The following ZNF462 variants were observed in gnomAD, a reference collection of about 807,000 sequenced individuals.
ZNF462 encodes the protein zinc finger protein 462.
ZNF462 carries 10 observed loss-of-function variants against 201.9 expected under a neutral mutation model. The ratio of observed to expected loss-of-function variants is 0.05; its 90% CI spans 0.03 to 0.08. The LOEUF (loss-of-function observed/expected upper bound fraction) is 0.08, where lower values mean the gene tolerates loss of function less well. ZNF462 is among the 10% of genes least tolerant of loss of function. The pLI is 1.00. For synonymous variants in ZNF462, 1,227 were observed against 1,193.3 expected, an observed-to-expected ratio of 1.03 and a Z score of -0.58; for missense variants, 2,523 against 3,168.3, an observed-to-expected ratio of 0.80 and a Z score of 4.89.
chr9:106,939,081 C>A lies in ZNF462; in HGVS notation c.6401C>A (p.Pro2134Gln), dbSNP rs780618561. The change falls in exon 7 of 13, where the codon CCG becomes CAG. Residue 2134 changes from proline (P) to glutamine (Q), a missense_variant. Transcript: ENST00000277225. ...CACCACTCCTCCCAAAAAGCTACCC[C>A]GGCTGAAGAAGTGGAAGACTCCAAT... ...HSHHSSQKAT[P>Q]AEEVEDSNDS... 3 of 1,609,446 alleles carry A rather than the reference C, an allele frequency of 1.9e-6. No homozygotes were observed. In the Admixed American group the frequency reaches 5.1e-5, roughly 27 times the overall value.
In ZNF462 at chr9:106,927,217, C is replaced by T. The variant is rs376343711; in HGVS notation, c.3305C>T (p.Pro1102Leu). 5.0e-6 allele frequency: 8 copies of T among 1,589,922 alleles called. No homozygotes were observed. Among genetic ancestry groups the T allele is most frequent in the South Asian group, 1.1e-5 (1 of 90,208 alleles). ...KMSNMGSPPP[P>L]QPPPPDLSTE... ...TCCAACATGGGTTCCCCACCCCCCC[C>T]ACAACCCCCGCCACCAGACCTCAGT... Residue 1102 changes from proline to leucine, a missense_variant, in exon 3 of 13, where the codon CCA (proline) becomes CTA (leucine). Coordinates refer to ENST00000277225, the MANE Select transcript of ZNF462 (RefSeq NM_021224.6).
chr9:106,898,226 A>G (rs1588020101), intron 1 of ZNF462, among the ~76,000 whole-genome samples: 1 of 152,326 alleles, frequency 6.6e-6, no homozygotes, highest in Middle Eastern at 3.4e-3. Context: ...AACAGAACAG[A>G]ACACAGTCCC....
At position 106,883,299 on chromosome 9, in the gene ZNF462, A is replaced by G. The variant is rs569773973; in HGVS notation, c.-31+19944A>G. On this transcript the variant is annotated intron_variant, in intron 1 of 12. Coordinates refer to ENST00000277225, the MANE Select transcript of ZNF462 (RefSeq NM_021224.6). This position sits in a 1 kb window ranked among gnomAD's most constrained non-coding sequence, Gnocchi z 4.9. ...TATGCTTCCTGGAACGCATTCTAAT[A>G]TAAAGTATGTGTTAAAGCAAGACTA... is the stretch of plus-strand genomic sequence containing the variant. Among the ~76,000 whole-genome samples, 42 of 152,216 alleles carry G rather than the reference A, an allele frequency of 2.8e-4. No homozygotes were observed. Among genetic ancestry groups the G allele is most frequent in the Non-Finnish European group, 5.3e-4 (36 of 68,032 alleles).
chr9:106,872,899 A>ATT lies in ZNF462; in HGVS notation c.-31+9552_-31+9553dup, dbSNP rs555693196. On this transcript the variant is annotated intron_variant, in intron 1 of 12. Transcript: ENST00000277225. This position sits in a 1 kb window ranked among gnomAD's most constrained non-coding sequence, Gnocchi z 4.5. Reference sequence around the variant, plus strand: ...TAGTTAATACTGGACAACGGTTTTTATTTTTTTTTAACATTTAATATGAAC... The same window carrying ATT: ...TAGTTAATACTGGACAACGGTTTTTATTTTTTTTTTTAACATTTAATATGAAC... Among the ~76,000 whole-genome samples, 1 of 151,460 alleles carries ATT rather than the reference A, an allele frequency of 6.6e-6. No homozygotes were observed. The highest frequency in any genetic ancestry group is 6.6e-5 in the Admixed American group (1 of 15,216).
chr9:106,939,251 G>A, intron 7 of ZNF462, 144 bp downstream of exon 7: 1 of 928,546 alleles, frequency 1.1e-6, no homozygotes. Flanking sequence ...AGTTGAAATG[G>A]TGTGGAAGTT....
rs571901919 is a variant in ZNF462, at chr9:106,873,434, A to G, written c.-31+10079A>G. Among the ~76,000 whole-genome samples the G allele has an allele frequency of 5.7e-4, 87 of 152,166 alleles. No homozygotes were observed. The East Asian group carries it at 0.017, about 29-fold the overall frequency. On this transcript the variant is annotated intron_variant, in intron 1 of 12. Transcript: ENST00000277225. ...CTGGTGACTTTTTTTTTTTGTAGAA[A>G]AGGTGTTGTACTTTTTTTCTTCATA...
At position 106,955,186 on chromosome 9, in the gene ZNF462, T is replaced by C. The variant is rs181434266; in HGVS notation, c.6427+16079T>C. 1.8e-3 allele frequency among the ~76,000 whole-genome samples: 270 copies of C among 152,258 alleles called. 1 individual carries two copies. The highest frequency in any genetic ancestry group is 6.2e-3 in the African/African-American group (256 of 41,556). Reference sequence around the variant, plus strand: ...TGAGATCTGATTATCTTTGTATCTATCAGGTATCTAACATACAGGAATACC... The same window carrying C: ...TGAGATCTGATTATCTTTGTATCTACCAGGTATCTAACATACAGGAATACC... On this transcript the variant is annotated intron_variant, in intron 7 of 12. Transcript: ENST00000277225.
chr9:106,919,493 T>C lies in ZNF462; in HGVS notation c.-30-3861T>C, dbSNP rs1829904143. Among the ~76,000 whole-genome samples, 1 of 152,228 alleles carries C rather than the reference T, an allele frequency of 6.6e-6. No homozygotes were observed. Among genetic ancestry groups the C allele is most frequent in the Non-Finnish European group, 1.5e-5 (1 of 68,032 alleles). On this transcript the variant is annotated intron_variant, in intron 1 of 12. Coordinates refer to ENST00000277225, the MANE Select transcript of ZNF462 (RefSeq NM_021224.6). This position sits in a 1 kb window ranked among gnomAD's most constrained non-coding sequence, Gnocchi z 4.5. ...AGCAGGCTTTGTCCATAATTTACTT[T>C]TCCCCATTTCTGTATATATGTTTCA...
intron 1 of ZNF462, among the ~76,000 whole-genome samples, chr9:106,871,492 C>T (rs1010798794): frequency 6.6e-6 from 1 of 152,190 alleles, no homozygotes; most frequent in Non-Finnish European, 1.5e-5. Flanking sequence ...AGAAGTCTGT[C>T]CACTGGGGAA....
intron 9 of ZNF462, among the ~76,000 whole-genome samples, chr9:106,980,268 TA>T (rs1827320745): frequency 6.6e-6 from 1 of 152,226 alleles, no homozygotes. Flanking sequence ...AAAATAATGT[TA>T]TTTTCTTCAT....
At chr9:106,893,824 G>T (rs1828695140) in intron 1 of ZNF462, among the ~76,000 whole-genome samples, 1 of 152,162 alleles carries the variant, frequency 6.6e-6, no homozygotes, top group Non-Finnish European at 1.5e-5. Flanking sequence ...TAAGTAACTT[G>T]CACACTTGTA....
chr9:106,937,571 G>A (rs1427428993), intron 6 of ZNF462, among the ~76,000 whole-genome samples: 1 of 151,998 alleles, frequency 6.6e-6, no homozygotes, highest in African/African-American at 2.4e-5. Context: ...GAGAAAGTTT[G>A]GAAATGAAAG....
chr9:106,927,789 G>A lies in ZNF462; in HGVS notation c.3877G>A (p.Ala1293Thr). 1 of 1,614,132 alleles carries A rather than the reference G, an allele frequency of 6.2e-7. No individual in the cohort carries two copies. The highest frequency in any genetic ancestry group is 8.5e-7 in the Non-Finnish European group (1 of 1,180,032). ...HIKKDHPALK[A>T]TVTSIMRWAF... ...CAAGAAAGACCACCCCGCCCTGAAA[G>A]CCACAGTCACGTCCATCATGCGATG... is the stretch of plus-strand genomic sequence containing the variant. The change falls in exon 3 of 13, where the codon GCC becomes ACC. Residue 1293 changes from alanine (A) to threonine (T), a missense_variant. Physicochemically the swap from Ala to Thr is moderately conservative, Grantham distance 58 (BLOSUM62 0). Coordinates refer to ENST00000277225, the MANE Select transcript of ZNF462 (RefSeq NM_021224.6).
At chr9:106,869,285 G>A (rs909602265) in intron 1 of ZNF462, among the ~76,000 whole-genome samples, 1 of 152,156 alleles carries the variant, frequency 6.6e-6, no homozygotes, top group Non-Finnish European at 1.5e-5. Flanking sequence ...CATTCAAAAT[G>A]TGCCCTCCGT....
rs1242423184 is a variant in ZNF462 at position 107,005,150 on chromosome 9, A to C, written c.7189+1724A>C. Among the ~76,000 whole-genome samples the C allele has an allele frequency of 1.3e-5, 2 of 152,142 alleles. No individual in the cohort carries two copies. Among genetic ancestry groups the C allele is most frequent in the Non-Finnish European group, 2.9e-5 (2 of 68,018 alleles). On this transcript the variant is annotated intron_variant, in intron 11 of 12. Coordinates refer to ENST00000277225, the MANE Select transcript of ZNF462 (RefSeq NM_021224.6). The surrounding 1 kb of genome is among the most constrained non-coding windows in gnomAD (Gnocchi z 4.4). ...CCTAGCTTGATTACTTATCTTGGTT[A>C]TTATGAATAACCCTGCAGTGAACGT...
rs1829369669 is a variant in ZNF462 at position 107,003,881 on chromosome 9, G to C, written c.7189+455G>C. Among the ~76,000 whole-genome samples the C allele has an allele frequency of 6.6e-6, 1 of 152,076 alleles. No homozygotes were observed. Among genetic ancestry groups the C allele is most frequent in the South Asian group, 2.1e-4 (1 of 4,818 alleles). ...CAAAGAACTTGAGCCCCTACCCCCT[G>C]ATGTCCCTCTGCGTGGCCCTTTTCT... On this transcript the variant is annotated intron_variant, in intron 11 of 12. Transcript: ENST00000277225. The surrounding 1 kb of genome is among the most constrained non-coding windows in gnomAD (Gnocchi z 4.4).
rs1284928665 is a variant in ZNF462, at chr9:106,919,843, A to T, written c.-30-3511A>T. On this transcript the variant is annotated intron_variant, in intron 1 of 12. Transcript: ENST00000277225. The surrounding 1 kb of genome is among the most constrained non-coding windows in gnomAD (Gnocchi z 4.5). ...ATTTGACCTTGAAGGGCCTAGACATATATCTGGGGTAGAAGACAGGGATGC... is the reference window on the plus strand; with the variant it reads ...ATTTGACCTTGAAGGGCCTAGACATTTATCTGGGGTAGAAGACAGGGATGC... 6.6e-6 allele frequency among the ~76,000 whole-genome samples: 1 copy of T among 152,210 alleles called. No homozygotes were observed. Among genetic ancestry groups the T allele is most frequent in the Non-Finnish European group, 1.5e-5 (1 of 68,032 alleles).
In ZNF462 at chr9:106,932,378, T is replaced by G; in HGVS notation, c.6013-68T>G. 6.2e-7 allele frequency: 1 copy of G among 1,608,898 alleles called. No individual in the cohort carries two copies. Among genetic ancestry groups the G allele is most frequent in the Non-Finnish European group, 8.5e-7 (1 of 1,177,486 alleles). On this transcript the variant is annotated intron_variant, in intron 4 of 12. Transcript: ENST00000277225. The surrounding 1 kb of genome is among the most constrained non-coding windows in gnomAD (Gnocchi z 6.8). Reference sequence around the variant, plus strand: ...GAACACTGCTTGCTTGATGGAATGTTGGAGGATGAAACCCGGCCGGGGGGA... The same window carrying G: ...GAACACTGCTTGCTTGATGGAATGTGGGAGGATGAAACCCGGCCGGGGGGA...
intron 10 of ZNF462, among the ~76,000 whole-genome samples, chr9:106,990,934 A>G (rs1249023192): frequency 6.6e-6 from 1 of 152,078 alleles, no homozygotes; most frequent in Non-Finnish European, 1.5e-5. Context: ...CTGGCTAAAA[A>G]TGGTCATTTG....
Sources: allele counts gnomAD v4.1 joint callset (sites outside exome capture counted in the v4.1 genomes callset), GRCh38; gene constraint gnomAD v4.1.1; non-coding constraint Gnocchi (gnomAD v3.1); transcripts MANE v1.5; gene names NCBI Gene and HGNC (gene_info 2026-07-23, HGNC 2026-07-21).